The following EFCAB6 variants were observed in gnomAD, a reference collection of about 807,000 sequenced individuals.
EFCAB6 encodes the protein EF-hand calcium binding domain 6, also known as EF-hand calcium-binding domain-containing protein 6.
A neutral mutation model predicts 169.8 loss-of-function variants in EFCAB6; 156 were observed. The ratio of observed to expected loss-of-function variants is 0.92; its 90% CI spans 0.81 to 1.05. EFCAB6 has a LOEUF of 1.05. EFCAB6 is among the 50% of genes least tolerant of loss of function. EFCAB6 has a pLI of 0.00. For synonymous variants in EFCAB6, 698 were observed against 676.4 expected, an observed-to-expected ratio of 1.03 and a Z score of -0.50; for missense variants, 1,800 against 1,829.1, an observed-to-expected ratio of 0.98 and a Z score of 0.29.
chr22:43,561,733 G>A lies in EFCAB6; in HGVS notation c.3421-6637C>T, dbSNP rs574099091. Among the ~76,000 whole-genome samples, 15 of 152,300 alleles carry A rather than the reference G, an allele frequency of 9.8e-5. No individual in the cohort carries two copies. The South Asian group carries it at 1.7e-3, about 17-fold the overall frequency. On this transcript the variant is annotated intron_variant, in intron 26 of 31. Transcript: ENST00000262726. Reference sequence around the variant, plus strand: ...AGGAACAGATGGCTCTTGGTCTGGCGCTTCTGTGTCCCTGGCACTTCTCAC... The same window carrying A: ...AGGAACAGATGGCTCTTGGTCTGGCACTTCTGTGTCCCTGGCACTTCTCAC...
intron 2 of EFCAB6, among the ~76,000 whole-genome samples, chr22:43,783,813 T>A (rs1396146708): frequency 6.6e-6 from 1 of 152,106 alleles, no homozygotes; most frequent in Non-Finnish European, 1.5e-5. Flanking sequence ...ATCCCAGCAT[T>A]TTGGGAGGCT....
chr22:43,632,403 G>T (rs1280122959), intron 18 of EFCAB6, among the ~76,000 whole-genome samples, 165 bp from the exon 19 acceptor site: 1 of 148,310 alleles, frequency 6.7e-6, no homozygotes, highest in African/African-American at 2.5e-5. Flanking sequence ...GGGTTCAAGC[G>T]AGTCTCCTGC....
At chr22:43,742,002 G>T (rs1333228150) in intron 6 of EFCAB6, among the ~76,000 whole-genome samples, 1 of 151,992 alleles carries the variant, frequency 6.6e-6, no homozygotes, top group Non-Finnish European at 1.5e-5. Flanking sequence ...CCGCTGAACC[G>T]GTAACAAAAG....
intron 26 of EFCAB6, among the ~76,000 whole-genome samples, chr22:43,567,769 G>A (rs2049541506): frequency 6.6e-6 from 1 of 152,122 alleles, no homozygotes; most frequent in South Asian, 2.1e-4. Flanking sequence ...CACTGAGCTG[G>A]GCAACAGGGA....
chr22:43,562,972 C>T (rs551620559), intron 26 of EFCAB6, among the ~76,000 whole-genome samples: 47 of 152,248 alleles, frequency 3.1e-4, no homozygotes, highest in African/African-American at 7.5e-4. Context: ...ACAGCACGGC[C>T]GCCTGCTGCT....
intron 5 of EFCAB6, 94 bp from the exon 6 acceptor site, chr22:43,755,926 A>G: frequency 8.3e-7 from 1 of 1,205,550 alleles, no homozygotes; most frequent in Non-Finnish European, 1.1e-6. Context: ...GGATTTCCAA[A>G]TAATCTATTT....
At chr22:43,671,614 C>T (rs1398110041) in intron 15 of EFCAB6, among the ~76,000 whole-genome samples, 1 of 152,090 alleles carries the variant, frequency 6.6e-6, no homozygotes, top group Non-Finnish European at 1.5e-5. Flanking sequence ...GAGATATTTG[C>T]TTGCAAGAAA....
In EFCAB6 at chr22:43,678,029, GCT is replaced by G; in HGVS notation, c.1384_1385del (p.Ser462HisfsTer4). ...DPGDTGVVNT[S>X]MFIDLIEENC... ...TCTCTTCAATCAGATCAATAAACAT[GCT>G]GGTGTTGACCACTCCAGTGTCCCCA... On this transcript the variant is annotated frameshift_variant, in exon 13 of 32. Transcript: ENST00000262726. LOFTEE classifies it high-confidence loss of function. 3 of 1,613,954 alleles carry G rather than the reference GCT, an allele frequency of 1.9e-6. No homozygotes were observed. The highest frequency in any genetic ancestry group is 2.5e-6 in the Non-Finnish European group (3 of 1,179,974).
At chr22:43,746,215 C>T (rs1240418012) in intron 6 of EFCAB6, among the ~76,000 whole-genome samples, 2 of 152,192 alleles carry the variant, frequency 1.3e-5, no homozygotes, top group Non-Finnish European at 2.9e-5. Context: ...GGCAGTTGCC[C>T]TCGCAGGCCA....
At chr22:43,749,522 T>C (rs2060680421) in intron 6 of EFCAB6, among the ~76,000 whole-genome samples, 1 of 152,084 alleles carries the variant, frequency 6.6e-6, no homozygotes, top group Non-Finnish European at 1.5e-5. Flanking sequence ...AGTTAGATGG[T>C]TCTCATAAGG....
intron 27 of EFCAB6, among the ~76,000 whole-genome samples, chr22:43,544,987 G>A (rs370540674): frequency 6.6e-6 from 1 of 150,594 alleles, no homozygotes; most frequent in Non-Finnish European, 1.5e-5. Flanking sequence ...AAATAAAAAA[G>A]AAAAAAAAAA....
intron 2 of EFCAB6, 93 bp from the exon 3 acceptor site, chr22:43,782,418 G>T: frequency 1.9e-6 from 2 of 1,066,332 alleles, no homozygotes; most frequent in Non-Finnish European, 1.4e-6. Flanking sequence ...TGAAGGGACA[G>T]CTGCAGAGTG....
At chr22:43,784,676 T>TATGTGTGTATATATACATATACATACAC (rs1439765812) in intron 2 of EFCAB6, among the ~76,000 whole-genome samples, 1 of 63,114 alleles carries the variant, frequency 1.6e-5, no homozygotes, top group Admixed American at 2.4e-4. Flanking sequence ...TATACATATA[T>TATGTGTGTATATATACATATACATACAC]ACACACACAC....
chr22:43,704,788 T>C (rs577835984), intron 10 of EFCAB6, among the ~76,000 whole-genome samples: 11 of 152,002 alleles, frequency 7.2e-5, no homozygotes, highest in Non-Finnish European at 1.5e-4. Flanking sequence ...AGCATACCAT[T>C]ACAGAAAACC....
chr22:43,532,649 A>G (rs1047067297), intron 30 of EFCAB6, among the ~76,000 whole-genome samples: 9 of 152,128 alleles, frequency 5.9e-5, no homozygotes, highest in Admixed American at 4.6e-4. Context: ...CTAAACTAGA[A>G]GCTAGGCTAA....
chr22:43,663,856 G>T (rs2057120045), intron 17 of EFCAB6, among the ~76,000 whole-genome samples: 1 of 152,198 alleles, frequency 6.6e-6, no homozygotes, highest in African/African-American at 2.4e-5. Flanking sequence ...CCAGCATGCT[G>T]GCACCTGAGC....
At chr22:43,683,714 G>T in intron 12 of EFCAB6, 33 bp downstream of exon 12, 2 of 1,421,300 alleles carry the variant, frequency 1.4e-6, no homozygotes, top group Non-Finnish European at 2.0e-6. Context: ...GAAACAATGA[G>T]TGTTTCACAA....
chr22:43,548,117 A>T (rs773535152), intron 27 of EFCAB6, among the ~76,000 whole-genome samples: 1 of 152,152 alleles, frequency 6.6e-6, no homozygotes, highest in African/African-American at 2.4e-5. Context: ...AATAAATAAA[A>T]CGATATAAAA....
At chr22:43,784,705 A>ACACT (rs2062012687) in intron 2 of EFCAB6, among the ~76,000 whole-genome samples, 1 of 144,052 alleles carries the variant, frequency 6.9e-6, no homozygotes, top group Non-Finnish European at 1.5e-5. Context: ...ACACACACAC[A>ACACT]CACACACACA....
Sources: allele counts gnomAD v4.1 joint callset (sites outside exome capture counted in the v4.1 genomes callset), GRCh38; gene constraint gnomAD v4.1.1; transcripts MANE v1.5; gene names NCBI Gene and HGNC (gene_info 2026-07-23, HGNC 2026-07-21).